SMARCA4: variants seen among roughly 807,000 people sequenced by gnomAD.
SMARCA4 encodes SWI/SNF-related matrix-associated actin-dependent regulator of chromatin subfamily A member 4.
A neutral mutation model predicts 193.9 loss-of-function variants in SMARCA4; 31 were observed. The ratio of observed to expected loss-of-function variants is 0.16; its 90% CI spans 0.12 to 0.22. The LOEUF is 0.22. Among genes scored for constraint, SMARCA4 ranks in the 10% least tolerant of loss-of-function variants. The pLI, the probability that SMARCA4 is intolerant of heterozygous loss-of-function variation, is 1.00. For missense variants in SMARCA4, 1,148 were observed against 2,296.0 expected (o/e 0.50, Z 10.22); for synonymous variants, 942 against 933.1 (o/e 1.01, Z -0.17).
intron 1 of SMARCA4, among the ~76,000 whole-genome samples, chr19:10,978,587 A>G (rs944142973): frequency 1.3e-5 from 2 of 151,664 alleles, no homozygotes; most frequent in Middle Eastern, 3.4e-3. Context: ...CGGCCTCCCA[A>G]AGTGCTGGGA....
chr19:11,023,165 G>T (rs2089998218), intron 19 of SMARCA4, among the ~76,000 whole-genome samples: 1 of 152,194 alleles, frequency 6.6e-6, no homozygotes, highest in Non-Finnish European at 1.5e-5. Context: ...CCTGGCATGA[G>T]CTTGGCGTGG....
Position 11,034,240 on chromosome 19 carries a change from A to G in SMARCA4, c.3951+40A>G, listed in dbSNP as rs765697991. Reference sequence around the variant, plus strand: ...CTGGATGGGGCAGTTCAGGCATCCCACTCTGCTGCCACCAGGAGCAAAGCA... The same window carrying G: ...CTGGATGGGGCAGTTCAGGCATCCCGCTCTGCTGCCACCAGGAGCAAAGCA... On this transcript the variant is annotated intron_variant, in intron 28 of 34. Coordinates refer to ENST00000344626, the MANE Select transcript of SMARCA4 (RefSeq NM_003072.5). The surrounding 1 kb of genome is among the most constrained non-coding windows in gnomAD (Gnocchi z 7.0). The G allele has an allele frequency of 1.2e-5, 18 of 1,488,584 alleles. No homozygotes were observed. The highest frequency in any genetic ancestry group is 1.7e-4 in the Middle Eastern group (1 of 5,846). The allele number at this position is 1,488,584 out of a possible 1,614,324, so 92.2% of individuals were successfully genotyped here.
At chr19:11,048,549 G>A (rs1048659951) in intron 30 of SMARCA4, among the ~76,000 whole-genome samples, 1 of 152,226 alleles carries the variant, frequency 6.6e-6, no homozygotes, top group Non-Finnish European at 1.5e-5. Flanking sequence ...TTGTCCTCTG[G>A]ATTCGGTGTC....
At chr19:11,039,778 A>G (rs917257607) in intron 29 of SMARCA4, 1 of 343,014 alleles carries the variant, frequency 2.9e-6, no homozygotes, top group African/African-American at 2.1e-5. Context: ...GCAAGACCAC[A>G]TGTCTAAGAA....
chr19:11,050,362 G>A (rs2076191950), intron 30 of SMARCA4, among the ~76,000 whole-genome samples: 1 of 152,236 alleles, frequency 6.6e-6, no homozygotes, highest in Admixed American at 6.5e-5. Flanking sequence ...GGAGGGACCT[G>A]AATGCAGTGA....
At chr19:10,971,471 C>T (rs1366764163) in intron 1 of SMARCA4, among the ~76,000 whole-genome samples, 1 of 151,850 alleles carries the variant, frequency 6.6e-6, no homozygotes, top group Admixed American at 6.6e-5. Flanking sequence ...GCACTTCCAC[C>T]CTCTATGTGA....
At chr19:10,976,067 T>C (rs977340648) in intron 1 of SMARCA4, among the ~76,000 whole-genome samples, 4 of 152,162 alleles carry the variant, frequency 2.6e-5, no homozygotes, top group African/African-American at 2.4e-5. Context: ...TAGTGACTTA[T>C]CATTGAGGGC....
rs915067237 is a variant in SMARCA4, at chr19:10,984,726, G to T, written c.222+353G>T. On this transcript the variant is annotated intron_variant, in intron 2 of 34. Transcript: ENST00000344626. The surrounding 1 kb of genome is among the most constrained non-coding windows in gnomAD (Gnocchi z 4.3). ...GGCTTTTAGCCACGTGGTTTCCCCC[G>T]TTCTGGCTGTCAGGCTCACCTGTGC... 6.6e-6 allele frequency among the ~76,000 whole-genome samples: 1 copy of T among 152,226 alleles called. No homozygotes were observed. Among genetic ancestry groups the T allele is most frequent in the Admixed American group, 6.5e-5 (1 of 15,286 alleles).
rs778051177 is a variant in SMARCA4 at position 11,021,997 on chromosome 19, C to T, written c.2859+30C>T. On this transcript the variant is annotated intron_variant, in intron 19 of 34. Coordinates refer to ENST00000344626, the MANE Select transcript of SMARCA4 (RefSeq NM_003072.5). The stretch of plus-strand genomic sequence containing the variant: ...GTTTGCCCAGCTGTGCCCATGCTGA[C>T]GGTTCCAGGTGCGGCTGGCTTTGCT... The T allele has an allele frequency of 4.7e-5, 75 of 1,611,296 alleles. 1 individual carries two copies. In the Middle Eastern group the frequency reaches 1.1e-3, roughly 24 times the overall value.
intron 1 of SMARCA4, among the ~76,000 whole-genome samples, chr19:10,965,151 A>G (rs1364338334): frequency 2.0e-5 from 3 of 152,146 alleles, no homozygotes; most frequent in South Asian, 4.1e-4. Context: ...ACTCTTCCCC[A>G]TTTATGTGGC....
rs908206152 is a variant in SMARCA4, at chr19:10,971,540, C to T, written c.-32+10366C>T. Among the ~76,000 whole-genome samples the T allele has an allele frequency of 4.7e-5, 7 of 149,624 alleles. No homozygotes were observed. In the South Asian group the frequency reaches 8.4e-4, roughly 18 times the overall value. On this transcript the variant is annotated intron_variant, in intron 1 of 34. Transcript: ENST00000344626. ...GACAAGGTCTTGGTCTGTCACCCAGCGGGGAGTACAGTGGTGCAATCATAG... is the reference window on the plus strand; with the variant it reads ...GACAAGGTCTTGGTCTGTCACCCAGTGGGGAGTACAGTGGTGCAATCATAG...
chr19:11,032,547 C>G (rs1018259260), intron 25 of SMARCA4: 2 of 152,548 alleles, frequency 1.3e-5, no homozygotes, highest in African/African-American at 4.8e-5. Flanking sequence ...ATGCCTGTAG[C>G]CCCAGCTACT....
chr19:11,034,852 G>C lies in SMARCA4; in HGVS notation c.3952-62G>C. Reference sequence around the variant, plus strand: ...GCCCTTCTGAACTCTCGGTGTTCTGGCTCTAGCGTGCCCCTGGTGCCTGCA... The same window carrying C: ...GCCCTTCTGAACTCTCGGTGTTCTGCCTCTAGCGTGCCCCTGGTGCCTGCA... On this transcript the variant is annotated intron_variant, in intron 28 of 34. Coordinates refer to ENST00000344626, the MANE Select transcript of SMARCA4 (RefSeq NM_003072.5). The surrounding 1 kb of genome is among the most constrained non-coding windows in gnomAD (Gnocchi z 7.0). The C allele has an allele frequency of 9.2e-7, 1 of 1,088,406 alleles. No individual in the cohort carries two copies. The highest frequency in any genetic ancestry group is 1.3e-5 in the South Asian group (1 of 74,728). The allele number at this position is 1,088,406 out of a possible 1,614,324, so 67.4% of individuals were successfully genotyped here. A position where few individuals can be genotyped will look rare whatever the true frequency, so the allele number is the denominator to read the frequency against.
chr19:11,044,193 A>G (rs1430451138), intron 30 of SMARCA4, among the ~76,000 whole-genome samples: 2 of 152,092 alleles, frequency 1.3e-5, no homozygotes, highest in African/African-American at 2.4e-5. Flanking sequence ...GACCACCCCC[A>G]CACACGCACA....
In SMARCA4 at chr19:11,033,915, G is replaced by A. The variant is rs2146670776; in HGVS notation, c.3873+50G>A. The A allele has an allele frequency of 1.3e-6, 1 of 763,378 alleles. No individual in the cohort carries two copies. The highest frequency in any genetic ancestry group is 1.8e-5 in the Admixed American group (1 of 56,928). 47.3% of individuals were successfully genotyped at this position (763,378 alleles called of 1,614,324 possible). A position where few individuals can be genotyped will look rare whatever the true frequency, so the allele number is the denominator to read the frequency against. On this transcript the variant is annotated intron_variant, in intron 27 of 34. Coordinates refer to ENST00000344626, the MANE Select transcript of SMARCA4 (RefSeq NM_003072.5). This position sits in a 1 kb window ranked among gnomAD's most constrained non-coding sequence, Gnocchi z 9.8. ...TGCCCATTCAATCCTCGGCTTCTCG[G>A]CTGAGACGGCCAGCAAGGGCCCTGG...
intron 16 of SMARCA4, among the ~76,000 whole-genome samples, chr19:11,018,576 C>T (rs2089584233): frequency 1.3e-5 from 2 of 152,242 alleles, no homozygotes; most frequent in African/African-American, 2.4e-5. Flanking sequence ...CAGGTCTCCA[C>T]AGCACTGTTG....
At position 11,021,805 on chromosome 19, in the gene SMARCA4, G is replaced by A. The variant is rs373267815; in HGVS notation, c.2697G>A (p.Thr899=). 13 of 1,613,614 alleles carry A rather than the reference G, an allele frequency of 8.1e-6. No homozygotes were observed. Among genetic ancestry groups the A allele is most frequent in the Middle Eastern group, 1.6e-4 (1 of 6,084 alleles). The part of the protein sequence containing the change: ...HHCKLTQVLN[T]HYVAPRRLLL... ...GCAAGCTGACGCAGGTGCTCAACAC[G>A]CACTATGTGGCACCCCGCCGCCTGC... Residue 899 remains threonine, a synonymous_variant, in exon 19 of 35, where the codon ACG becomes ACA. Coordinates refer to ENST00000344626, the MANE Select transcript of SMARCA4 (RefSeq NM_003072.5).
Position 11,041,742 on chromosome 19 carries a change from A to T in SMARCA4, c.4424+182A>T, listed in dbSNP as rs2075628002. ...GAGGAACATGCTTTCTGGAACAGGG[A>T]AGCACACATGTATCTGCGGTGATGA... is the stretch of plus-strand genomic sequence containing the variant. On this transcript the variant is annotated intron_variant, in intron 30 of 34. Transcript: ENST00000344626. The surrounding 1 kb of genome is among the most constrained non-coding windows in gnomAD (Gnocchi z 5.6). Among the ~76,000 whole-genome samples the T allele has an allele frequency of 6.6e-6, 1 of 152,166 alleles. No individual in the cohort carries two copies. Among genetic ancestry groups the T allele is most frequent in the Non-Finnish European group, 1.5e-5 (1 of 68,030 alleles).
chr19:10,972,373 G>A (rs1174534582), intron 1 of SMARCA4, among the ~76,000 whole-genome samples: 1 of 151,822 alleles, frequency 6.6e-6, no homozygotes, highest in Non-Finnish European at 1.5e-5. Context: ...TGGGATTACA[G>A]GCATGAGCCA....
Sources: allele counts gnomAD v4.1 joint callset (sites outside exome capture counted in the v4.1 genomes callset), GRCh38; gene constraint gnomAD v4.1.1; non-coding constraint Gnocchi (gnomAD v3.1); transcripts MANE v1.5; gene names NCBI Gene and HGNC (gene_info 2026-07-23, HGNC 2026-07-21).